Variants in RAB21 observed in about 807,000 individuals in gnomAD.
RAB21 encodes the protein RAB21, member RAS oncogene family, also known as ras-related protein Rab-21.
Under a neutral mutation model 33.1 loss-of-function variants are expected in RAB21, and 13 were observed. The ratio of observed to expected loss-of-function variants is 0.39; its 90% confidence interval spans 0.26 to 0.62. RAB21 has a LOEUF of 0.62. Ranked by LOEUF, RAB21 falls within the 20% of genes least tolerant of loss-of-function variation. The pLI is 0.48. For synonymous variants in RAB21, 91 were observed against 103.7 expected (o/e 0.88, Z 0.74); for missense variants, 234 against 279.1 (o/e 0.84, Z 1.15).
intron 3 of RAB21, 100 bp from the exon 4 acceptor site, chr12:71,773,858 TA>T: frequency 2.6e-6 from 2 of 778,012 alleles, no homozygotes; most frequent in Non-Finnish European, 2.1e-6. Context: ...TATAGACTCT[TA>T]AAATTCTGAG....
chr12:71,777,309 T>C (rs187943837), intron 4 of RAB21, among the ~76,000 whole-genome samples: 15 of 152,340 alleles, frequency 9.8e-5, no homozygotes, highest in Admixed American at 7.8e-4. Context: ...TATTAACTCT[T>C]TTTGGGTCTG....
chr12:71,782,005 A>G (rs1883207761), intron 4 of RAB21, 26 bp from the exon 5 acceptor site: 2 of 1,516,394 alleles, frequency 1.3e-6, no homozygotes, highest in Non-Finnish European at 1.8e-6. Context: ...CAGTATAAAG[A>G]TAAATATTTA....
At position 71,782,051 on chromosome 12, in the gene RAB21, A is replaced by G. The variant is rs777831918; in HGVS notation, c.412A>G (p.Lys138Glu). ...CIVGNKIDLE[K>E]ERHVSIQEAE... ...AATAGGTAATAAAATAGACTTGGAA[A>G]AGGAGAGACATGTTTCCATTCAAGA... The change falls in exon 5 of 7, where the codon AAG becomes GAG. Residue 138 changes from lysine (K) to glutamate (E), a missense_variant. Physicochemically the swap from Lys to Glu is moderately conservative, Grantham distance 56 (BLOSUM62 1). Coordinates refer to ENST00000261263, the MANE Select transcript of RAB21 (RefSeq NM_014999.4). 2.4e-5 allele frequency: 38 copies of G among 1,606,130 alleles called. No individual in the cohort carries two copies. Among genetic ancestry groups the G allele is most frequent in the Non-Finnish European group, 2.8e-5 (33 of 1,173,328 alleles).
At chr12:71,762,590 G>T (rs555107807) in intron 1 of RAB21, among the ~76,000 whole-genome samples, 63 of 151,968 alleles carry the variant, frequency 4.1e-4, no homozygotes, top group Non-Finnish European at 7.5e-4. Flanking sequence ...GTTTTGTTTT[G>T]TTTTTTTCCT....
intron 1 of RAB21, 55 bp from the exon 2 acceptor site, chr12:71,769,745 G>A (rs1425600354): frequency 1.1e-5 from 10 of 926,408 alleles, no homozygotes; most frequent in Non-Finnish European, 1.6e-5. Flanking sequence ...TAGTTGTTAG[G>A]ATAAAGAACC....
At chr12:71,760,290 T>G (rs1882851786) in intron 1 of RAB21, among the ~76,000 whole-genome samples, 1 of 152,218 alleles carries the variant, frequency 6.6e-6, no homozygotes, top group African/African-American at 2.4e-5. Context: ...ACTTTGGTGT[T>G]TTAGTGTGGC....
chr12:71,773,581 A>T (rs1037780829), intron 3 of RAB21, among the ~76,000 whole-genome samples: 4 of 152,282 alleles, frequency 2.6e-5, no homozygotes, highest in African/African-American at 9.6e-5. Context: ...CAATTAGGGT[A>T]TAAAAGACTG....
intron 6 of RAB21, among the ~76,000 whole-genome samples, chr12:71,783,186 T>C (rs745358430): frequency 2.0e-5 from 3 of 152,100 alleles, no homozygotes; most frequent in Non-Finnish European, 4.4e-5. Flanking sequence ...GAGATTTGAC[T>C]CAAAATAATG....
At position 71,786,678 on chromosome 12, in the gene RAB21, A is replaced by G. The variant is rs984598232; in HGVS notation, c.*1005A>G. 1 of 152,654 alleles carries G rather than the reference A, an allele frequency of 6.6e-6. No homozygotes were observed. The highest frequency in any genetic ancestry group is 2.4e-5 in the African/African-American group (1 of 41,454). The allele number at this position is 152,654 out of a possible 1,614,324, so 9.5% of individuals were successfully genotyped here. On this transcript the variant is annotated 3_prime_UTR_variant, in exon 7 of 7. Transcript: ENST00000261263. ...CCTAGCTTTTTTGACTAATATAAAG[A>G]TCATAGCTCCCCTTCACTTCTGTCT...
At chr12:71,777,085 A>G (rs1349133071) in intron 4 of RAB21, among the ~76,000 whole-genome samples, 1 of 152,166 alleles carries the variant, frequency 6.6e-6, no homozygotes, top group Non-Finnish European at 1.5e-5. Flanking sequence ...GTTTTTCATT[A>G]TATGTACAGA....
intron 4 of RAB21, among the ~76,000 whole-genome samples, chr12:71,780,399 G>A (rs1883180301): frequency 6.6e-6 from 1 of 152,170 alleles, no homozygotes; most frequent in Non-Finnish European, 1.5e-5. Flanking sequence ...TGGAGCCACT[G>A]GCCACCAGGT....
chr12:71,762,381 C>T (rs1882885766), intron 1 of RAB21, among the ~76,000 whole-genome samples: 2 of 152,166 alleles, frequency 1.3e-5, no homozygotes, highest in Non-Finnish European at 2.9e-5. Flanking sequence ...TCTCGGCTCA[C>T]TGCAAGCTCC....
Position 71,754,953 on chromosome 12 carries a change from C to T in RAB21, c.-177C>T. The T allele has an allele frequency of 2.1e-6, 1 of 465,776 alleles. No homozygotes were observed. Among genetic ancestry groups the T allele is most frequent in the Non-Finnish European group, 2.8e-6 (1 of 352,114 alleles). The allele number at this position is 465,776 out of a possible 1,614,324, so 28.9% of individuals were successfully genotyped here. A position where few individuals can be genotyped will look rare whatever the true frequency, so the allele number is the denominator to read the frequency against. On this transcript the variant is annotated 5_prime_UTR_variant, in exon 1 of 7. Coordinates refer to ENST00000261263, the MANE Select transcript of RAB21 (RefSeq NM_014999.4). Reference sequence around the variant, plus strand: ...CCTGACGTGGTGGGCTGGGGCCCTTCATTCTCGGACTTTCCCTCAGCCCTT... The same window carrying T: ...CCTGACGTGGTGGGCTGGGGCCCTTTATTCTCGGACTTTCCCTCAGCCCTT...
In RAB21 at chr12:71,755,069, C is replaced by G. The variant is rs1451493835; in HGVS notation, c.-61C>G. The G allele has an allele frequency of 9.7e-7, 1 of 1,034,898 alleles. No homozygotes were observed. 64.1% of individuals were successfully genotyped at this position (1,034,898 alleles called of 1,614,324 possible). A position where few individuals can be genotyped will look rare whatever the true frequency, so the allele number is the denominator to read the frequency against. On this transcript the variant is annotated 5_prime_UTR_variant, in exon 1 of 7. Transcript: ENST00000261263. ...TGAGCCGGCCGTGGCTGTGAAGGCGCTGCCGCGGCTGTCGGGAGGGCGGCG... is the reference window on the plus strand; with the variant it reads ...TGAGCCGGCCGTGGCTGTGAAGGCGGTGCCGCGGCTGTCGGGAGGGCGGCG...
At chr12:71,768,050 G>A (rs1882987502) in intron 1 of RAB21, among the ~76,000 whole-genome samples, 1 of 151,960 alleles carries the variant, frequency 6.6e-6, no homozygotes, top group African/African-American at 2.4e-5. Flanking sequence ...ACATGTATTT[G>A]GTCTTCTCAT....
At position 71,797,506 on chromosome 12, in the gene RAB21, T is replaced by A. The variant is rs1442714175; in HGVS notation, c.*11833T>A. The A allele has an allele frequency of 3.3e-5, 5 of 151,326 alleles. No individual in the cohort carries two copies. In the East Asian group the frequency reaches 9.7e-4, roughly 29 times the overall value. The allele number at this position is 151,326 out of a possible 1,614,324, so 9.4% of individuals were successfully genotyped here. ...CAAACACATGGAGATGCATATCATA[T>A]TCTTGGATAGGAAGACAACATACAC... On this transcript the variant is annotated 3_prime_UTR_variant, in exon 7 of 7. Transcript: ENST00000261263.
chr12:71,768,878 T>C (rs1047697999), intron 1 of RAB21, among the ~76,000 whole-genome samples: 4 of 152,230 alleles, frequency 2.6e-5, no homozygotes, highest in African/African-American at 9.6e-5. Context: ...AATGTGTTAA[T>C]GTGCATTGTT....
chr12:71,755,839 C>T (rs1459343824), intron 1 of RAB21, among the ~76,000 whole-genome samples: 1 of 152,158 alleles, frequency 6.6e-6, no homozygotes, highest in South Asian at 2.1e-4. Flanking sequence ...TTGCAGCCTG[C>T]GTGGGTCTGA....
chr12:71,758,693 T>A (rs1236760280), intron 1 of RAB21, among the ~76,000 whole-genome samples: 2 of 152,020 alleles, frequency 1.3e-5, no homozygotes, highest in African/African-American at 4.8e-5. Context: ...TTGCCCAGGC[T>A]GTTGTAGAAC....
Sources: allele counts gnomAD v4.1 joint callset (sites outside exome capture counted in the v4.1 genomes callset), GRCh38; gene constraint gnomAD v4.1.1; transcripts MANE v1.5; gene names NCBI Gene and HGNC (gene_info 2026-07-23, HGNC 2026-07-21).